MAST4: variants seen among roughly 807,000 people sequenced by gnomAD.
The protein encoded by MAST4 is microtubule-associated serine/threonine-protein kinase 4.
In MAST4, 89 loss-of-function variants were observed where a neutral mutation model predicts 162.7. The observed-to-expected ratio is 0.55, with a 90% confidence interval of 0.46 to 0.65. The LOEUF (loss-of-function observed/expected upper bound fraction) is 0.65. Ranked by LOEUF, MAST4 falls within the 30% of genes least tolerant of loss-of-function variation. The probability of loss-of-function intolerance (pLI) is 0.00; values close to 1 mark genes in which losing one functional copy is unlikely to be tolerated. For missense variants in MAST4, 3,153 were observed against 3,374.0 expected (o/e 0.93, Z 1.62); for synonymous variants, 1,479 against 1,361.1 (o/e 1.09, Z -1.91).
intron 1 of MAST4, 36 bp downstream of exon 1, chr5:66,597,054 G>T (rs1325910810): frequency 6.5e-6 from 9 of 1,383,488 alleles, no homozygotes; most frequent in Non-Finnish European, 8.4e-6. Flanking sequence ...TCTGGGTTCC[G>T]GCAGCCGGGC....
At chr5:67,069,987 C>A (rs1348742904) in intron 5 of MAST4, among the ~76,000 whole-genome samples, 43 of 150,756 alleles carry the variant, frequency 2.9e-4, no homozygotes, top group Admixed American at 2.9e-3. Flanking sequence ...AGGCCAAATG[C>A]AGGAAATGAA....
Position 66,749,815 on chromosome 5 carries a change from G to A in MAST4, c.364-9894G>A, listed in dbSNP as rs150013796. ...GATAGTAAGTGTCAGCTCTCATCTG[G>A]GCTTGTAACCACTGTGGAATTAGTA... On this transcript the variant is annotated intron_variant, in intron 1 of 28. Transcript: ENST00000403625. Among the ~76,000 whole-genome samples the A allele has an allele frequency of 1.4e-3, 206 of 152,256 alleles. 1 individual carries two copies. Among genetic ancestry groups the A allele is most frequent in the African/African-American group, 4.9e-3 (202 of 41,530 alleles).
Position 66,842,436 on chromosome 5 carries a change from C to T in MAST4, c.642+53642C>T, listed in dbSNP as rs143759791. Among the ~76,000 whole-genome samples the T allele has an allele frequency of 2.0e-3, 306 of 152,244 alleles. 2 individuals are homozygous for T. The highest frequency in any genetic ancestry group is 6.9e-3 in the African/African-American group (286 of 41,564). ...TCCACCTCCTGATTTTTGTGTGTGG[C>T]TCCTTCCCCTACCCCCTCCCGCCCC... On this transcript the variant is annotated intron_variant, in intron 3 of 28. Transcript: ENST00000403625.
At chr5:66,767,458 T>C (rs1282911147) in intron 2 of MAST4, among the ~76,000 whole-genome samples, 1 of 151,918 alleles carries the variant, frequency 6.6e-6, no homozygotes, top group Non-Finnish European at 1.5e-5. Context: ...GAGGAGGAAA[T>C]GATGGCAAAC....
intron 3 of MAST4, among the ~76,000 whole-genome samples, chr5:66,844,917 T>G: frequency 6.6e-6 from 1 of 151,260 alleles, no homozygotes; most frequent in Non-Finnish European, 1.5e-5. Flanking sequence ...ACATATGAGC[T>G]TGGAGAGAGA....
intron 4 of MAST4, among the ~76,000 whole-genome samples, chr5:66,966,069 C>G (rs1328692645): frequency 6.6e-6 from 1 of 152,084 alleles, no homozygotes; most frequent in Non-Finnish European, 1.5e-5. Flanking sequence ...CCATTTAATC[C>G]ACCCAACACT....
intron 1 of MAST4, among the ~76,000 whole-genome samples, chr5:66,662,131 A>G (rs1580133018): frequency 6.6e-6 from 1 of 152,114 alleles, no homozygotes; most frequent in African/African-American, 2.4e-5. Context: ...CTGGGGATAT[A>G]ACAGTGAAGA....
chr5:66,894,318 A>T (rs935854568), intron 3 of MAST4, among the ~76,000 whole-genome samples: 15 of 152,150 alleles, frequency 9.9e-5, no homozygotes, highest in African/African-American at 3.4e-4. Context: ...GGTGACATTA[A>T]TGTGTTGCCA....
At chr5:67,023,424 G>T (rs964839901) in intron 4 of MAST4, among the ~76,000 whole-genome samples, 1 of 152,144 alleles carries the variant, frequency 6.6e-6, no homozygotes, top group Non-Finnish European at 1.5e-5. Flanking sequence ...GGTAGCACAT[G>T]ATCATACGTT....
intron 1 of MAST4, among the ~76,000 whole-genome samples, chr5:66,665,263 G>A (rs1181468637): frequency 6.6e-6 from 1 of 152,208 alleles, no homozygotes; most frequent in Non-Finnish European, 1.5e-5. Flanking sequence ...TATGCTGATA[G>A]GAATGATCTA....
chr5:66,849,094 C>T (rs1580643426), intron 3 of MAST4, among the ~76,000 whole-genome samples: 1 of 152,146 alleles, frequency 6.6e-6, no homozygotes, highest in Admixed American at 6.5e-5. Flanking sequence ...GGTGTCCTTG[C>T]TCTAGGTTTC....
intron 4 of MAST4, among the ~76,000 whole-genome samples, chr5:66,909,184 G>T (rs1474950462): frequency 6.6e-6 from 1 of 152,090 alleles, no homozygotes; most frequent in Non-Finnish European, 1.5e-5. Flanking sequence ...AGGGGCAGTT[G>T]ACCCCACGTC....
chr5:66,740,198 A>G (rs1752406155), intron 1 of MAST4, among the ~76,000 whole-genome samples: 1 of 152,214 alleles, frequency 6.6e-6, no homozygotes, highest in East Asian at 1.9e-4. Flanking sequence ...AAAGCATTAG[A>G]GGCTGATGTA....
intron 3 of MAST4, among the ~76,000 whole-genome samples, chr5:66,875,594 A>G (rs1391840280): frequency 6.6e-6 from 1 of 152,252 alleles, no homozygotes; most frequent in East Asian, 1.9e-4. Context: ...CAGGCACTTA[A>G]TGAGTACCAA....
At chr5:66,946,800 A>G (rs1005113589) in intron 4 of MAST4, among the ~76,000 whole-genome samples, 1 of 152,196 alleles carries the variant, frequency 6.6e-6, no homozygotes, top group Non-Finnish European at 1.5e-5. Flanking sequence ...TATGTGGAGT[A>G]AAAATAATTC....
intron 5 of MAST4, among the ~76,000 whole-genome samples, chr5:67,068,062 C>A (rs1760457697): frequency 6.6e-6 from 1 of 152,190 alleles, no homozygotes; most frequent in Non-Finnish European, 1.5e-5. Flanking sequence ...CTGCATCTTG[C>A]ACCCCTCCCA....
chr5:66,737,330 T>C (rs1421162463), intron 1 of MAST4, among the ~76,000 whole-genome samples: 1 of 152,184 alleles, frequency 6.6e-6, no homozygotes, highest in Non-Finnish European at 1.5e-5. Context: ...TGAGTGTCCT[T>C]GTGTTGTCCT....
In MAST4 at chr5:67,166,086, C is replaced by T. The variant is rs1371310156; in HGVS notation, c.6907C>T (p.His2303Tyr). The T allele has an allele frequency of 6.2e-7, 1 of 1,613,212 alleles. No individual in the cohort carries two copies. Among genetic ancestry groups the T allele is most frequent in the Admixed American group, 1.7e-5 (1 of 59,900 alleles). Residue 2303 changes from histidine (H) to tyrosine (Y), a missense_variant, in exon 29 of 29, where the codon CAT becomes TAT. His to Tyr is a moderately conservative substitution (Grantham distance 83, BLOSUM62 2). Coordinates refer to ENST00000403625, the MANE Select transcript of MAST4 (RefSeq NM_001164664.2). ...RPLEVLEKPV[H>Y]LPRPGHPGPS... ...CCTGGAGGTGCTGGAGAAGCCTGTG[C>T]ATTTGCCAAGGCCGGGACACCCAGG...
chr5:66,909,304 C>T (rs1341905120), intron 4 of MAST4, among the ~76,000 whole-genome samples: 2 of 152,270 alleles, frequency 1.3e-5, no homozygotes, highest in African/African-American at 2.4e-5. Flanking sequence ...TATTATTAGG[C>T]CGTGAAGGAA....
Sources: allele counts gnomAD v4.1 joint callset (sites outside exome capture counted in the v4.1 genomes callset), GRCh38; gene constraint gnomAD v4.1.1; transcripts MANE v1.5; gene names NCBI Gene and HGNC (gene_info 2026-07-23, HGNC 2026-07-21).